Variants in PPP1CB observed in about 807,000 individuals in gnomAD.
PPP1CB encodes the protein protein phosphatase 1 catalytic subunit beta, also known as serine/threonine-protein phosphatase PP1-beta catalytic subunit.
PPP1CB carries 2 observed loss-of-function variants against 43.7 expected under a neutral mutation model. That is an observed-to-expected ratio of 0.05 (90% confidence interval 0.02 to 0.14). The LOEUF is 0.14. PPP1CB is among the 10% of genes least tolerant of loss of function. The probability of loss-of-function intolerance (pLI) is 1.00; values close to 1 mark genes in which losing one functional copy is unlikely to be tolerated. For synonymous variants in PPP1CB, 136 were observed against 135.6 expected (o/e 1.00, Z -0.02); for missense variants, 84 against 398.0 (o/e 0.21, Z 6.71).
Position 28,801,145 on chromosome 2 carries a change from A to G in PPP1CB, c.*1842A>G, listed in dbSNP as rs1667606596. The G allele has an allele frequency of 3.9e-5, 6 of 152,266 alleles. No homozygotes were observed. The South Asian group carries it at 1.2e-3, about 31-fold the overall frequency. The allele number at this position is 152,266 out of a possible 1,614,324, so 9.4% of individuals were successfully genotyped here. A position where few individuals can be genotyped will look rare whatever the true frequency, so the allele number is the denominator to read the frequency against. On this transcript the variant is annotated 3_prime_UTR_variant, in exon 8 of 8. Coordinates refer to ENST00000395366, the MANE Select transcript of PPP1CB (RefSeq NM_002709.3). ...CATATTGAAATGATTCTTTTCTGAA[A>G]GTATTCATGATCTGCATATGATGTA...
At chr2:28,769,765 A>G (rs1340424600) in intron 1 of PPP1CB, among the ~76,000 whole-genome samples, 1 of 152,132 alleles carries the variant, frequency 6.6e-6, no homozygotes, top group Non-Finnish European at 1.5e-5. Context: ...TCAAAAGTGT[A>G]TTTGTAATCT....
At chr2:28,794,311 A>T (rs567089071) in intron 7 of PPP1CB, among the ~76,000 whole-genome samples, 47 of 152,336 alleles carry the variant, frequency 3.1e-4, no homozygotes, top group African/African-American at 1.0e-3. Flanking sequence ...TGTAATGAAT[A>T]GTTTAGGCTT....
At chr2:28,771,973 T>C (rs1666922979) in intron 1 of PPP1CB, among the ~76,000 whole-genome samples, 1 of 93,114 alleles carries the variant, frequency 1.1e-5, no homozygotes, top group Non-Finnish European at 2.3e-5. Context: ...AACGAACTTG[T>C]CCAAAAAAAA....
chr2:28,797,835 C>G (rs1667528842), intron 7 of PPP1CB, among the ~76,000 whole-genome samples: 1 of 152,138 alleles, frequency 6.6e-6, no homozygotes, highest in South Asian at 2.1e-4. Context: ...TCCTACAAAT[C>G]ATTCTTGTTC....
In PPP1CB at chr2:28,752,131, G is replaced by A; in HGVS notation, c.7G>A (p.Asp3Asn). Residue 3 changes from aspartate to asparagine, a missense_variant, in exon 1 of 8, where the codon GAC becomes AAC. By Grantham distance (23) the Asp-to-Asn change is conservative (BLOSUM62 1). Around this residue, in one of 5 missense-constraint regions of PPP1CB, gnomAD observed 27 missense variants for 42.7 expected, o/e 0.63. Transcript: ENST00000395366. MA[D>N]GELNVDSLIT... ...GAGAGTCTGTGCCGACAAGATGGCG[G>A]ACGGGGAGCTGAACGTGGACAGCCT... is the stretch of plus-strand genomic sequence containing the variant. 6.5e-7 allele frequency: 1 copy of A among 1,549,828 alleles called. No individual in the cohort carries two copies. Among genetic ancestry groups the A allele is most frequent in the Non-Finnish European group, 8.7e-7 (1 of 1,146,166 alleles).
intron 6 of PPP1CB, among the ~76,000 whole-genome samples, chr2:28,789,791 G>T (rs141190576): frequency 0.045 from 6,813 of 151,634 alleles, 215 homozygotes; most frequent in Middle Eastern, 0.071. Flanking sequence ...TAGAGACAGG[G>T]TTTCACCATG....
chr2:28,757,402 G>A (rs952170534), intron 1 of PPP1CB, among the ~76,000 whole-genome samples: 2 of 152,166 alleles, frequency 1.3e-5, no homozygotes, highest in African/African-American at 4.8e-5. Flanking sequence ...AGCTGGGAGT[G>A]AGATTTCTAG....
chr2:28,792,391 C>T (rs1370995222), intron 6 of PPP1CB, among the ~76,000 whole-genome samples: 1 of 151,846 alleles, frequency 6.6e-6, no homozygotes, highest in African/African-American at 2.4e-5. Context: ...CATGGTGGCA[C>T]ACACCTGTGG....
Position 28,751,908 on chromosome 2 carries a change from T to G in PPP1CB, c.-217T>G. The G allele has an allele frequency of 7.1e-6, 4 of 565,656 alleles. No individual in the cohort carries two copies. The highest frequency in any genetic ancestry group is 9.7e-6 in the Non-Finnish European group (3 of 309,958). The allele number at this position is 565,656 out of a possible 1,614,324, so 35.0% of individuals were successfully genotyped here. On this transcript the variant is annotated 5_prime_UTR_variant, in exon 1 of 8. Transcript: ENST00000395366. ...CCCTGTTCGAGGGGGCCTCTCTTGTTTATTTATTTATTTTCCGTGGGTGCC... is the reference window on the plus strand; with the variant it reads ...CCCTGTTCGAGGGGGCCTCTCTTGTGTATTTATTTATTTTCCGTGGGTGCC...
intron 6 of PPP1CB, among the ~76,000 whole-genome samples, chr2:28,793,367 A>C (rs56342375): frequency 0.13 from 20,168 of 150,840 alleles, 1,745 homozygotes; most frequent in African/African-American, 0.24. Flanking sequence ...AAATCAAAGC[A>C]AGAAGTAAGC....
chr2:28,770,856 A>G (rs1007741626), intron 1 of PPP1CB, among the ~76,000 whole-genome samples: 1 of 152,242 alleles, frequency 6.6e-6, no homozygotes, highest in East Asian at 1.9e-4. Flanking sequence ...AGTACATTTG[A>G]AAGAAATGAC....
chr2:28,790,505 A>G (rs1667364290), intron 6 of PPP1CB, among the ~76,000 whole-genome samples: 1 of 151,668 alleles, frequency 6.6e-6, no homozygotes, highest in South Asian at 2.1e-4. Flanking sequence ...ACGCCTGGCT[A>G]ATTTTTGTAT....
intron 1 of PPP1CB, 61 bp downstream of exon 1, chr2:28,752,237 C>G (rs932477323): frequency 2.2e-5 from 32 of 1,429,778 alleles, no homozygotes; most frequent in Non-Finnish European, 2.9e-5. Flanking sequence ...ACCCCTGCGT[C>G]CCCGTCTGCC....
intron 6 of PPP1CB, among the ~76,000 whole-genome samples, chr2:28,789,125 G>A (rs1667334036): frequency 6.6e-6 from 1 of 152,190 alleles, no homozygotes; most frequent in African/African-American, 2.4e-5. Flanking sequence ...AAAGCAGTAG[G>A]AGAGGTGGCA....
intron 1 of PPP1CB, among the ~76,000 whole-genome samples, chr2:28,773,756 A>G (rs1666965941): frequency 6.6e-6 from 1 of 152,160 alleles, no homozygotes; most frequent in African/African-American, 2.4e-5. Context: ...CATCTGCCTT[A>G]TTCTGTCCAA....
intron 5 of PPP1CB, among the ~76,000 whole-genome samples, chr2:28,785,693 C>T (rs191071773): frequency 4.6e-4 from 70 of 151,976 alleles, no homozygotes; most frequent in East Asian, 1.6e-3. Context: ...CGCAGCACCG[C>T]GGCTACTCAG....
At chr2:28,764,145 A>G (rs903690912) in intron 1 of PPP1CB, among the ~76,000 whole-genome samples, 2 of 152,098 alleles carry the variant, frequency 1.3e-5, no homozygotes, top group Non-Finnish European at 2.9e-5. Flanking sequence ...GAGGGAGAAG[A>G]AAAGCAAGAG....
At chr2:28,790,293 A>T (rs994854421) in intron 6 of PPP1CB, among the ~76,000 whole-genome samples, 1 of 152,038 alleles carries the variant, frequency 6.6e-6, no homozygotes, top group African/African-American at 2.4e-5. Flanking sequence ...AAAAAAGAGA[A>T]CATTTGATTG....
In PPP1CB at chr2:28,751,993, A is replaced by G. The variant is rs1305918478; in HGVS notation, c.-132A>G. On this transcript the variant is annotated 5_prime_UTR_variant, in exon 1 of 8. Transcript: ENST00000395366. The stretch of plus-strand genomic sequence containing the variant: ...GAGGGGGTGGGGGGAGGGCCCGGGA[A>G]AAGGGGGAGTTGGAGCCGGGGTCGA... 19 of 814,618 alleles carry G rather than the reference A, an allele frequency of 2.3e-5. No individual in the cohort carries two copies. The African/African-American group carries it at 3.4e-4, about 15-fold the overall frequency. 50.5% of individuals were successfully genotyped at this position (814,618 alleles called of 1,614,324 possible). A position where few individuals can be genotyped will look rare whatever the true frequency, so the allele number is the denominator to read the frequency against.
Sources: allele counts gnomAD v4.1 joint callset (sites outside exome capture counted in the v4.1 genomes callset), GRCh38; gene constraint gnomAD v4.1.1; regional missense constraint gnomAD v4.1.1; transcripts MANE v1.5; gene names NCBI Gene and HGNC (gene_info 2026-07-23, HGNC 2026-07-21).